Variants in GFRA3 observed in about 807,000 individuals in gnomAD.
GFRA3 encodes the protein GDNF family receptor alpha 3.
In GFRA3, 24 loss-of-function variants were observed where a neutral mutation model predicts 40.0. The observed-to-expected ratio is 0.60, with a 90% CI of 0.43 to 0.84. The LOEUF is 0.84. Ranked by LOEUF, GFRA3 falls within the 40% of genes least tolerant of loss-of-function variation. GFRA3 has a pLI of 0.00. For synonymous variants in GFRA3, 203 were observed against 213.5 expected (o/e 0.95, Z 0.43); for missense variants, 405 against 530.6 (o/e 0.76, Z 2.33).
intron 1 of GFRA3, among the ~76,000 whole-genome samples, chr5:138,271,670 C>A (rs1755870779): frequency 7.4e-6 from 1 of 135,598 alleles, no homozygotes; most frequent in South Asian, 2.2e-4. Context: ...CTCGACCTCC[C>A]AGGCTCAGGT....
chr5:138,260,253 G>A (rs1755691706), intron 2 of GFRA3, among the ~76,000 whole-genome samples: 1 of 152,160 alleles, frequency 6.6e-6, no homozygotes, highest in South Asian at 2.1e-4. Context: ...AATCACATCT[G>A]AGCAGAAGCT....
chr5:138,256,561 AAAAAC>A (rs1262383760), intron 4 of GFRA3, among the ~76,000 whole-genome samples: 1 of 151,800 alleles, frequency 6.6e-6, no homozygotes, highest in Non-Finnish European at 1.5e-5. Context: ...AAACAAAAAA[AAAAAC>A]AAAACAAAAA....
intron 3 of GFRA3, among the ~76,000 whole-genome samples, chr5:138,258,734 C>T (rs1755671133): frequency 6.6e-6 from 1 of 152,182 alleles, no homozygotes. Context: ...TTGGTTTTGG[C>T]TTCGTCTGCA....
In GFRA3 at chr5:138,257,884, C is replaced by G. The variant is rs1439866400; in HGVS notation, c.540G>C (p.Lys180Asn). 6.6e-5 allele frequency: 107 copies of G among 1,613,946 alleles called. No individual in the cohort carries two copies. The highest frequency in any genetic ancestry group is 8.6e-5 in the Non-Finnish European group (101 of 1,179,972). Residue 180 changes from lysine to asparagine, a missense_variant, in exon 4 of 8, where the codon AAG becomes AAC. By Grantham distance (94) the Lys-to-Asn change is moderately conservative (BLOSUM62 0). Coordinates refer to ENST00000274721, the MANE Select transcript of GFRA3 (RefSeq NM_001496.4). ...TLNDKCDRLR[K>N]AYGEACSGPH... ...GCCCGGAGCACGCCTCCCCGTAGGC[C>G]TTGCGCAGCCGGTCACACTTGTCAT...
Position 138,253,352 on chromosome 5 carries a change from G to A in GFRA3, c.1048C>T (p.Arg350Cys), listed in dbSNP as rs80086291. ...TGGGAGAAGAGTTGGCTGTGAAAAC[G>A]CATCTTAGCTGCAATGGCCTCCGCT... ...CLTEAIAAKM[R>C]FHSQLFSQDW... Residue 350 changes from arginine to cysteine, a missense_variant, in exon 7 of 8, where the codon CGT (arginine) becomes TGT (cysteine). Physicochemically the swap from Arg to Cys is radical, Grantham distance 180 (BLOSUM62 -3). Transcript: ENST00000274721. 1.4e-5 allele frequency: 23 copies of A among 1,600,854 alleles called. No individual in the cohort carries two copies. The highest frequency in any genetic ancestry group is 1.8e-5 in the Non-Finnish European group (21 of 1,172,426).
rs1266551203 is a variant in GFRA3 at position 138,253,485 on chromosome 5, G to A, written c.1025-110C>T. 6.6e-6 allele frequency: 5 copies of A among 753,550 alleles called. No individual in the cohort carries two copies. In the Admixed American group the frequency reaches 8.1e-5, roughly 12 times the overall value. 46.7% of individuals were successfully genotyped at this position (753,550 alleles called of 1,614,324 possible). ...GGGACCCTGGGCTATAGGGGAGCAA[G>A]TGGGTGGGAGGTGGAAGTGGGATAC... is the stretch of plus-strand genomic sequence containing the variant. On this transcript the variant is annotated intron_variant, in intron 6 of 7. Coordinates refer to ENST00000274721, the MANE Select transcript of GFRA3 (RefSeq NM_001496.4).
intron 2 of GFRA3, among the ~76,000 whole-genome samples, chr5:138,262,793 T>A (rs1398717228): frequency 6.6e-6 from 1 of 152,006 alleles, no homozygotes; most frequent in Non-Finnish European, 1.5e-5. Context: ...GTTGTGGTTA[T>A]CCTGACCCTG....
At chr5:138,254,276 C>T (rs1216783858) in intron 4 of GFRA3, 116 bp from the exon 5 acceptor site, 2 of 663,122 alleles carry the variant, frequency 3.0e-6, no homozygotes, top group Admixed American at 2.4e-5. Context: ...CAACCTCTGC[C>T]TCCCAGGTTC....
rs572818091 is a variant in GFRA3 at position 138,271,520 on chromosome 5, T to C, written c.91+2814A>G. Among the ~76,000 whole-genome samples, 5 of 152,300 alleles carry C rather than the reference T, an allele frequency of 3.3e-5. No individual in the cohort carries two copies. In the South Asian group the frequency reaches 1.0e-3, roughly 32 times the overall value. On this transcript the variant is annotated intron_variant, in intron 1 of 7. Transcript: ENST00000274721. The stretch of plus-strand genomic sequence containing the variant: ...GCAAAGGTCATAATTTGATCCAGTG[T>C]GCAAATGTGTCTTTTTTAGTCAGCA...
chr5:138,272,634 C>T (rs188471691), intron 1 of GFRA3, among the ~76,000 whole-genome samples: 1 of 134,798 alleles, frequency 7.4e-6, no homozygotes, highest in Non-Finnish European at 1.7e-5. Context: ...CAGATTGATA[C>T]CCTGTCTCAA....
At chr5:138,273,491 A>G (rs1205541689) in intron 1 of GFRA3, among the ~76,000 whole-genome samples, 1 of 152,152 alleles carries the variant, frequency 6.6e-6, no homozygotes, top group Non-Finnish European at 1.5e-5. Flanking sequence ...TGACTTACTG[A>G]TGTTGGCAGG....
intron 2 of GFRA3, among the ~76,000 whole-genome samples, chr5:138,261,454 G>C (rs563280150): frequency 9.2e-5 from 14 of 152,240 alleles, no homozygotes; most frequent in Admixed American, 3.3e-4. Flanking sequence ...CCGGCATTTT[G>C]GGAGGCCGAG....
chr5:138,271,067 A>T lies in GFRA3; in HGVS notation c.91+3267T>A, dbSNP rs537337619. 6.6e-5 allele frequency among the ~76,000 whole-genome samples: 10 copies of T among 152,030 alleles called. No homozygotes were observed. The East Asian group carries it at 1.7e-3, about 26-fold the overall frequency. ...GAGTGCAGTGGCGCGATCTCGGCTC[A>T]CTGCAACCTCTGCCTCCCGGGTTCA... On this transcript the variant is annotated intron_variant, in intron 1 of 7. Coordinates refer to ENST00000274721, the MANE Select transcript of GFRA3 (RefSeq NM_001496.4).
At chr5:138,271,913 T>TTTTTTTGTGTG (rs59830655) in intron 1 of GFRA3, among the ~76,000 whole-genome samples, 38 of 54,322 alleles carry the variant, frequency 7.0e-4, no homozygotes, top group African/African-American at 2.4e-3. Flanking sequence ...TTTTTTTTTT[T>TTTTTTTGTGTG]TGTGTGTGTG....
intron 1 of GFRA3, among the ~76,000 whole-genome samples, chr5:138,269,022 G>A (rs1199618175): frequency 6.6e-6 from 1 of 151,618 alleles, no homozygotes; most frequent in Non-Finnish European, 1.5e-5. Flanking sequence ...TACACAAATA[G>A]CCAACATATG....
rs1755566549 is a variant in GFRA3, at chr5:138,252,753, G to A, written c.*215C>T. On this transcript the variant is annotated 3_prime_UTR_variant, in exon 8 of 8. Transcript: ENST00000274721. ...CACCAGATGACATGGCTAAATTGTG[G>A]CCACCAAGGAGGGGCAGCATGAATC... 4 of 461,872 alleles carry A rather than the reference G, an allele frequency of 8.7e-6. No individual in the cohort carries two copies. The highest frequency in any genetic ancestry group is 7.9e-5 in the African/African-American group (4 of 50,864). 28.6% of individuals were successfully genotyped at this position (461,872 alleles called of 1,614,324 possible).
chr5:138,259,964 G>A (rs1755687825), intron 2 of GFRA3, among the ~76,000 whole-genome samples: 1 of 152,188 alleles, frequency 6.6e-6, no homozygotes, highest in Non-Finnish European at 1.5e-5. Context: ...TCAGCACACA[G>A]TGTAGGGAGG....
intron 1 of GFRA3, among the ~76,000 whole-genome samples, chr5:138,270,614 C>T (rs1357072159): frequency 6.6e-6 from 1 of 152,042 alleles, no homozygotes; most frequent in African/African-American, 2.4e-5. Context: ...GCAGTATATA[C>T]TTCTTGGGTG....
At position 138,257,721 on chromosome 5, in the gene GFRA3, T is replaced by C; in HGVS notation, c.703A>G (p.Ile235Val). The C allele has an allele frequency of 1.9e-6, 3 of 1,610,362 alleles. No homozygotes were observed. The highest frequency in any genetic ancestry group is 2.5e-6 in the Non-Finnish European group (3 of 1,178,704). The change falls in exon 4 of 8, where the codon ATC (isoleucine) becomes GTC (valine). Residue 235 changes from isoleucine (I) to valine (V), a missense_variant. By Grantham distance (29) the Ile-to-Val change is conservative. Coordinates refer to ENST00000274721, the MANE Select transcript of GFRA3 (RefSeq NM_001496.4). ...GGCGGCAGCGCGCAGTTGGGGGCGATGGTGTTGCGCCGGCGCTCCCCGCAG... is the reference window on the plus strand; with the variant it reads ...GGCGGCAGCGCGCAGTTGGGGGCGACGGTGTTGCGCCGGCGCTCCCCGCAG... The part of the protein sequence containing the change: ...RGCGERRRNT[I>V]APNCALPPVA...
Sources: gnomAD v4.1 joint callset for allele counts (sites outside exome capture counted in the v4.1 genomes callset) on GRCh38, gnomAD v4.1.1 for gene constraint, MANE v1.5 for transcripts, NCBI Gene and HGNC (gene_info 2026-07-23, HGNC 2026-07-21) for gene names.